PRKCA: variants seen among roughly 807,000 people sequenced by gnomAD.
PRKCA encodes the protein protein kinase C alpha, also known as protein kinase C alpha type.
A neutral mutation model predicts 87.0 loss-of-function variants in PRKCA; 27 were observed. The ratio of observed to expected loss-of-function variants is 0.31; its 90% confidence interval spans 0.23 to 0.43. The LOEUF is 0.43. PRKCA is among the 20% of genes least tolerant of loss of function. PRKCA has a pLI of 1.00. For missense variants in PRKCA, 518 were observed against 852.3 expected, an observed-to-expected ratio of 0.61 and a Z score of 4.88; for synonymous variants, 329 against 311.1, an observed-to-expected ratio of 1.06 and a Z score of -0.61.
intron 3 of PRKCA, among the ~76,000 whole-genome samples, chr17:66,576,816 G>A (rs1231567193): frequency 1.3e-5 from 2 of 151,662 alleles, no homozygotes; most frequent in South Asian, 2.1e-4. Flanking sequence ...TTATGTGTTC[G>A]CTGTCTCTCA....
rs5821504 is a variant in PRKCA at position 66,771,006 on chromosome 17, CT to C, written c.1525-2966del. On this transcript the variant is annotated intron_variant, in intron 13 of 16. Transcript: ENST00000413366. ...TGTTTTGAGTAACCTGGCAATGTGT[CT>C]TTTTTTTTTTTTTTGAGACAGCATC... Among the ~76,000 whole-genome samples, 474 of 141,628 alleles carry C rather than the reference CT, an allele frequency of 3.3e-3. 1 individual carries two copies. Among genetic ancestry groups the C allele is most frequent in the African/African-American group, 5.1e-3 (197 of 38,450 alleles). 92.9% of individuals were successfully genotyped at this position (141,628 alleles called of 152,430 possible).
intron 8 of PRKCA, among the ~76,000 whole-genome samples, chr17:66,724,615 C>A (rs1170060913): frequency 6.6e-6 from 1 of 152,212 alleles, no homozygotes; most frequent in Non-Finnish European, 1.5e-5. Context: ...TTCTGCATTT[C>A]ATCCTCTGCA....
At chr17:66,383,561 G>C (rs1201707667) in intron 2 of PRKCA, among the ~76,000 whole-genome samples, 1 of 152,116 alleles carries the variant, frequency 6.6e-6, no homozygotes, top group African/African-American at 2.4e-5. Context: ...AGTTATTCTA[G>C]GTCAGTGGAA....
intron 3 of PRKCA, among the ~76,000 whole-genome samples, chr17:66,618,075 C>T (rs1380779672): frequency 6.6e-6 from 1 of 152,148 alleles, no homozygotes; most frequent in Non-Finnish European, 1.5e-5. Flanking sequence ...GTCATTCAGG[C>T]CGAATGCAGT....
At chr17:66,515,210 T>G (rs1207273112) in intron 3 of PRKCA, among the ~76,000 whole-genome samples, 1 of 145,732 alleles carries the variant, frequency 6.9e-6, no homozygotes, top group Non-Finnish European at 1.5e-5. Flanking sequence ...GAGCCGAGGT[T>G]GCAGTGAGCC....
intron 3 of PRKCA, among the ~76,000 whole-genome samples, chr17:66,591,604 TC>T (rs1349428975): frequency 6.6e-6 from 1 of 152,184 alleles, no homozygotes; most frequent in Non-Finnish European, 1.5e-5. Flanking sequence ...AATAGTTTCT[TC>T]CCAGTAAAAG....
chr17:66,753,866 C>T (rs1974489217), intron 13 of PRKCA, among the ~76,000 whole-genome samples: 1 of 152,124 alleles, frequency 6.6e-6, no homozygotes, highest in African/African-American at 2.4e-5. Flanking sequence ...CCTGCTGGCA[C>T]CTTCATCCTG....
chr17:66,545,432 A>G (rs1425545742), intron 3 of PRKCA, among the ~76,000 whole-genome samples: 1 of 152,228 alleles, frequency 6.6e-6, no homozygotes, highest in Non-Finnish European at 1.5e-5. Context: ...CTGTCTCAAA[A>G]AAACAGATAA....
At chr17:66,473,894 A>G (rs1465585621) in intron 2 of PRKCA, among the ~76,000 whole-genome samples, 2 of 152,088 alleles carry the variant, frequency 1.3e-5, no homozygotes, top group African/African-American at 2.4e-5. Context: ...AGATCACGCC[A>G]TTGCACTCCA....
At position 66,731,351 on chromosome 17, in the gene PRKCA, G is replaced by GAAAAAAAA. The variant is rs5821509; in HGVS notation, c.919-1325_919-1318dup. On this transcript the variant is annotated intron_variant, in intron 8 of 16. Coordinates refer to ENST00000413366, the MANE Select transcript of PRKCA (RefSeq NM_002737.3). ...GCAACAAGAGCAAAACTCCGTCTCA[G>GAAAAAAAA]AAAAAAAAAAAAAAAAAAAGAATGT... Among the ~76,000 whole-genome samples the GAAAAAAAA allele has an allele frequency of 8.2e-4, 92 of 112,428 alleles. 1 individual carries two copies. Among genetic ancestry groups the GAAAAAAAA allele is most frequent in the African/African-American group, 3.1e-3 (82 of 26,574 alleles). 73.8% of individuals were successfully genotyped at this position (112,428 alleles called of 152,430 possible). A position where few individuals can be genotyped will look rare whatever the true frequency, so the allele number is the denominator to read the frequency against.
At chr17:66,410,627 G>A (rs548976670) in intron 2 of PRKCA, among the ~76,000 whole-genome samples, 13 of 152,240 alleles carry the variant, frequency 8.5e-5, no homozygotes, top group South Asian at 8.3e-4. Flanking sequence ...TCAGGCTGGA[G>A]TGTGGTGGCG....
At chr17:66,309,770 G>A (rs1460520808) in intron 2 of PRKCA, among the ~76,000 whole-genome samples, 1 of 152,166 alleles carries the variant, frequency 6.6e-6, no homozygotes, top group Admixed American at 6.5e-5. Context: ...CATAAAACTA[G>A]CAGAGATCTA....
chr17:66,655,575 T>A (rs1290605286), intron 5 of PRKCA, among the ~76,000 whole-genome samples: 3 of 152,212 alleles, frequency 2.0e-5, no homozygotes, highest in Admixed American at 1.3e-4. Context: ...ATTATGAGAT[T>A]TCACCTGTGT....
At chr17:66,594,118 G>T (rs780609185) in intron 3 of PRKCA, among the ~76,000 whole-genome samples, 62 of 152,186 alleles carry the variant, frequency 4.1e-4, no homozygotes, top group Admixed American at 4.6e-4. Flanking sequence ...CCACATTGGT[G>T]GTTTCCCTGA....
intron 8 of PRKCA, among the ~76,000 whole-genome samples, chr17:66,711,073 T>C (rs1038553482): frequency 3.3e-5 from 5 of 151,256 alleles, no homozygotes; most frequent in African/African-American, 1.2e-4. Flanking sequence ...AATAAATAAA[T>C]AAATAAAATT....
At position 66,790,654 on chromosome 17, in the gene PRKCA, G is replaced by A. The variant is rs1000013270; in HGVS notation, c.1854+1675G>A. On this transcript the variant is annotated intron_variant, in intron 16 of 16. Coordinates refer to ENST00000413366, the MANE Select transcript of PRKCA (RefSeq NM_002737.3). ...CAACGTAGAGATGCGTACTGACCCC[G>A]CCTTGAGGGTTGGGCAAAATCCAAT... is the stretch of plus-strand genomic sequence containing the variant. 3.3e-5 allele frequency among the ~76,000 whole-genome samples: 5 copies of A among 152,168 alleles called. 1 individual carries two copies. The highest frequency in any genetic ancestry group is 2.0e-4 in the Admixed American group (3 of 15,276).
chr17:66,579,156 G>GC (rs971634980), intron 3 of PRKCA, among the ~76,000 whole-genome samples: 1 of 152,160 alleles, frequency 6.6e-6, no homozygotes, highest in African/African-American at 2.4e-5. Flanking sequence ...AAGTGGCTTT[G>GC]CCCCCCATTG....
chr17:66,533,539 G>T (rs183804678), intron 3 of PRKCA, among the ~76,000 whole-genome samples: 90 of 152,312 alleles, frequency 5.9e-4, no homozygotes, highest in African/African-American at 2.0e-3. Context: ...GCTGAATTTG[G>T]CTAGGCAAAT....
intron 3 of PRKCA, among the ~76,000 whole-genome samples, chr17:66,527,459 G>A (rs1439429332): frequency 6.6e-6 from 1 of 152,142 alleles, no homozygotes. Flanking sequence ...TTAATGTTTT[G>A]TGGCTCTGCG....
Sources: gnomAD v4.1 joint callset for allele counts (sites outside exome capture counted in the v4.1 genomes callset) on GRCh38, gnomAD v4.1.1 for gene constraint, MANE v1.5 for transcripts, NCBI Gene and HGNC (gene_info 2026-07-23, HGNC 2026-07-21) for gene names.